The following TAF1B variants were observed in gnomAD, a reference collection of about 807,000 sequenced individuals.
TAF1B encodes the protein TATA box-binding protein-associated factor RNA polymerase I subunit B.
A neutral mutation model predicts 83.9 loss-of-function variants in TAF1B; 61 were observed. The ratio of observed to expected loss-of-function variants is 0.73; its 90% confidence interval spans 0.59 to 0.90. The LOEUF (loss-of-function observed/expected upper bound fraction) is 0.90, where lower values mean the gene tolerates loss of function less well. Among genes scored for constraint, TAF1B ranks in the 40% least tolerant of loss-of-function variants. The pLI is 0.00. For missense variants in TAF1B, 625 were observed against 677.0 expected (o/e 0.92, Z 0.85); for synonymous variants, 221 against 224.6 (o/e 0.98, Z 0.14).
intron 5 of TAF1B, among the ~76,000 whole-genome samples, chr2:9,862,147 G>A (rs576183172): frequency 4.6e-5 from 7 of 152,066 alleles, no homozygotes; most frequent in Non-Finnish European, 8.8e-5. Context: ...ACTACTCCGA[G>A]CTAAAGGAGG....
At chr2:9,873,532 C>T (rs1437172035) in intron 6 of TAF1B, among the ~76,000 whole-genome samples, 1 of 152,046 alleles carries the variant, frequency 6.6e-6, no homozygotes, top group East Asian at 1.9e-4. Context: ...TTATATTCAG[C>T]TGCTGACTCA....
chr2:9,886,341 C>T (rs1664673719), intron 8 of TAF1B, among the ~76,000 whole-genome samples: 1 of 152,136 alleles, frequency 6.6e-6, no homozygotes, highest in Non-Finnish European at 1.5e-5. Flanking sequence ...TATACTCGCT[C>T]CTTCATTTCT....
chr2:9,888,582 T>C (rs911470180), intron 8 of TAF1B, among the ~76,000 whole-genome samples: 4 of 152,070 alleles, frequency 2.6e-5, no homozygotes, highest in Non-Finnish European at 5.9e-5. Context: ...TCATACCTTT[T>C]TTTCAGTACT....
chr2:9,887,839 T>G (rs1241192091), intron 8 of TAF1B, among the ~76,000 whole-genome samples: 3 of 152,082 alleles, frequency 2.0e-5, no homozygotes, highest in South Asian at 2.1e-4. Context: ...TTAAGAATTT[T>G]TTGTTGTTGT....
At chr2:9,861,134 C>T (rs1280752815) in intron 5 of TAF1B, among the ~76,000 whole-genome samples, 7 of 152,324 alleles carry the variant, frequency 4.6e-5, no homozygotes, top group Admixed American at 6.5e-5. Flanking sequence ...GTGCATGAGC[C>T]GAAGCAGGGC....
chr2:9,848,666 CAA>C (rs3032346), intron 2 of TAF1B, among the ~76,000 whole-genome samples: 1 of 140,198 alleles, frequency 7.1e-6, no homozygotes. Flanking sequence ...AACTCCCTCT[CAA>C]AAAAAAAAAG....
intron 8 of TAF1B, among the ~76,000 whole-genome samples, chr2:9,896,620 C>CAAAAAAAAAAAA (rs71391108): frequency 1.2e-4 from 8 of 66,532 alleles, no homozygotes; most frequent in Admixed American, 3.9e-4. Context: ...ATCTAAAAAC[C>CAAAAAAAAAAAA]AAAAAAAAAA....
At chr2:9,910,591 C>T (rs1665497803) in intron 9 of TAF1B, 145 bp from the exon 10 acceptor site, 2 of 593,508 alleles carry the variant, frequency 3.4e-6, no homozygotes, top group Non-Finnish European at 2.8e-6. Flanking sequence ...ATATGGATGC[C>T]ATGTTTTGAT....
intron 5 of TAF1B, among the ~76,000 whole-genome samples, chr2:9,865,190 C>G (rs1663929900): frequency 2.0e-5 from 3 of 152,028 alleles, no homozygotes; most frequent in Admixed American, 2.0e-4. Context: ...TCTAGAGAAC[C>G]CCATTGTCTC....
intron 3 of TAF1B, among the ~76,000 whole-genome samples, chr2:9,850,970 A>G (rs897886086): frequency 1.3e-5 from 2 of 152,190 alleles, no homozygotes; most frequent in African/African-American, 2.4e-5. Context: ...GCCATTGAGC[A>G]GTTTATTTTC....
At position 9,922,237 on chromosome 2, in the gene TAF1B, T is replaced by C. The variant is rs74400374; in HGVS notation, c.1565+2417T>C. On this transcript the variant is annotated intron_variant, in intron 14 of 14. Coordinates refer to ENST00000263663, the MANE Select transcript of TAF1B (RefSeq NM_005680.3). ...GGGGATAATACTGATCTTTTCCTCT[T>C]CTCAAAACCTTCAGTGGCTCCCATC... Among the ~76,000 whole-genome samples, 597 of 152,246 alleles carry C rather than the reference T, an allele frequency of 3.9e-3. 3 individuals carry two copies. Among genetic ancestry groups the C allele is most frequent in the African/African-American group, 0.013 (555 of 41,554 alleles).
chr2:9,920,538 CAG>C (rs1225367894), intron 14 of TAF1B, among the ~76,000 whole-genome samples: 1 of 139,002 alleles, frequency 7.2e-6, no homozygotes, highest in Non-Finnish European at 1.5e-5. Context: ...GTGTCCTCCT[CAG>C]GGTATCATTT....
intron 14 of TAF1B, among the ~76,000 whole-genome samples, chr2:9,920,271 T>C (rs1043345667): frequency 6.6e-6 from 1 of 152,142 alleles, no homozygotes. Flanking sequence ...TCACCCACAG[T>C]CCATATTCCA....
chr2:9,915,322 T>A (rs1480800753), intron 12 of TAF1B, among the ~76,000 whole-genome samples: 1 of 152,156 alleles, frequency 6.6e-6, no homozygotes, highest in East Asian at 1.9e-4. Flanking sequence ...TCATCAGAAG[T>A]AAGAACCTCT....
At chr2:9,843,893 T>A in intron 1 of TAF1B, 1 of 156,262 alleles carries the variant, frequency 6.4e-6, no homozygotes. Context: ...ACCCACAAGT[T>A]CCCTTTAATG....
At chr2:9,927,214 A>G (rs1356934074) in intron 14 of TAF1B, among the ~76,000 whole-genome samples, 1 of 152,102 alleles carries the variant, frequency 6.6e-6, no homozygotes, top group Non-Finnish European at 1.5e-5. Context: ...CCTTTTTTAT[A>G]GCTGCATAGT....
intron 14 of TAF1B, 90 bp from the exon 15 acceptor site, chr2:9,933,693 C>G: frequency 9.3e-7 from 1 of 1,071,080 alleles, no homozygotes; most frequent in African/African-American, 1.6e-5. Flanking sequence ...TATATATTTG[C>G]TAAGTTATTT....
intron 9 of TAF1B, 88 bp from the exon 10 acceptor site, chr2:9,910,648 G>C (rs979120735): frequency 1.7e-6 from 2 of 1,200,040 alleles, no homozygotes; most frequent in Non-Finnish European, 2.3e-6. Flanking sequence ...ATAGTGTCGT[G>C]TTTTAAGATA....
intron 7 of TAF1B, among the ~76,000 whole-genome samples, chr2:9,877,956 A>C (rs977363099): frequency 2.6e-5 from 4 of 152,150 alleles, no homozygotes; most frequent in Non-Finnish European, 5.9e-5. Context: ...TGGAATACAC[A>C]AGTTTGGGAA....
Sources: allele counts gnomAD v4.1 joint callset (sites outside exome capture counted in the v4.1 genomes callset), GRCh38; gene constraint gnomAD v4.1.1; transcripts MANE v1.5; gene names NCBI Gene and HGNC (gene_info 2026-07-23, HGNC 2026-07-21).